ZNF334: variants seen among roughly 807,000 people sequenced by gnomAD.
The protein encoded by ZNF334 is zinc finger protein 334.
ZNF334 carries 14 observed loss-of-function variants against 12.4 expected under a neutral mutation model. The observed-to-expected ratio is 1.13, with a 90% CI of 0.74 to 1.76. ZNF334 has a LOEUF of 1.76. Among genes scored for constraint, ZNF334 ranks in the 40% most tolerant of loss-of-function variants. ZNF334 has a pLI of 0.00. For missense variants in ZNF334, 797 were observed against 804.5 expected (o/e 0.99, Z 0.11); for synonymous variants, 273 against 269.6 (o/e 1.01, Z -0.12).
At chr20:46,509,649 G>A (rs1392582549) in intron 2 of ZNF334, 1 of 703,004 alleles carries the variant, frequency 1.4e-6, no homozygotes, top group Non-Finnish European at 2.6e-6. Context: ...TTCACCCACG[G>A]TGAGTTAACT....
Position 46,500,957 on chromosome 20 carries a change from G to C in ZNF334, c.*339C>G, listed in dbSNP as rs768286307. The C allele has an allele frequency of 4.4e-5, 10 of 227,240 alleles. No individual in the cohort carries two copies. Among genetic ancestry groups the C allele is most frequent in the Middle Eastern group, 1.8e-3 (1 of 558 alleles). 14.1% of individuals were successfully genotyped at this position (227,240 alleles called of 1,614,324 possible). ...AATGAAGGTCAGATCCTCACACCTC[G>C]TAACATACACTATCAAGTAACACTG... On this transcript the variant is annotated 3_prime_UTR_variant, in exon 5 of 5. Transcript: ENST00000692313.
intron 2 of ZNF334, among the ~76,000 whole-genome samples, chr20:46,510,781 G>A (rs2061620781): frequency 6.7e-6 from 1 of 149,854 alleles, no homozygotes; most frequent in Non-Finnish European, 1.5e-5. Flanking sequence ...AAAAAAGATG[G>A]CCTTCATTTT....
downstream of ZNF334, among the ~76,000 whole-genome samples, chr20:46,498,471 G>T (rs2061060987): frequency 1.3e-5 from 2 of 152,120 alleles, no homozygotes; most frequent in African/African-American, 4.8e-5. Flanking sequence ...GGTAGAAGTG[G>T]ATCTTTCAGC....
At position 46,502,308 on chromosome 20, in the gene ZNF334, G is replaced by A. The variant is rs1241939442; in HGVS notation, c.1031C>T (p.Thr344Ile). 1 of 1,614,072 alleles carries A rather than the reference G, an allele frequency of 6.2e-7. No homozygotes were observed. The highest frequency in any genetic ancestry group is 1.7e-5 in the Admixed American group (1 of 60,026). ...CTTGCATTCGTAAGGCTTCTCCCCT[G>A]TGTGTGACCTGAAATGTTCAGCCAG... Reference protein sequence around the residue: ...SALAEHFRSHTGEKPYECKEC... With the variant: ...SALAEHFRSHIGEKPYECKEC... The change falls in exon 5 of 5, where the codon ACA becomes ATA. Residue 344 changes from threonine to isoleucine, a missense_variant. Transcript: ENST00000692313.
the ZNF334 span, chr20:46,477,031 G>A: frequency 6.6e-6 from 1 of 152,222 alleles, no homozygotes; most frequent in Admixed American, 6.5e-5. Context: ...TACAGTGGAT[G>A]CGTGATAGGA....
chr20:46,488,444 A>ATATATATATAT, the ZNF334 span, among the ~76,000 whole-genome samples: 6 of 84,194 alleles, frequency 7.1e-5, no homozygotes, highest in African/African-American at 4.1e-4. Context: ...TATATATATA[A>ATATATATATAT]ATACCATAAT....
At chr20:46,503,570 G>A (rs1328802600) in intron 4 of ZNF334, among the ~76,000 whole-genome samples, 2 of 152,164 alleles carry the variant, frequency 1.3e-5, no homozygotes, top group African/African-American at 4.8e-5. Flanking sequence ...AAACACACAA[G>A]AAGGAAGAGG....
the ZNF334 span, among the ~76,000 whole-genome samples, chr20:46,466,870 G>A: frequency 6.6e-6 from 1 of 152,174 alleles, no homozygotes; most frequent in African/African-American, 2.4e-5. Context: ...ATGGGTATCA[G>A]TTTGGGAAAA....
chr20:46,504,331 T>C, intron 3 of ZNF334, 25 bp from the exon 4 acceptor site: 3 of 1,595,160 alleles, frequency 1.9e-6, no homozygotes, highest in Non-Finnish European at 1.7e-6. Context: ...TTACAGAACT[T>C]GGACCAAGAT....
chr20:46,509,831 G>C, intron 2 of ZNF334: 1 of 610,014 alleles, frequency 1.6e-6, no homozygotes, highest in Non-Finnish European at 2.9e-6. Context: ...TGGAAGGTTT[G>C]CATCCCAATA....
intron 2 of ZNF334, among the ~76,000 whole-genome samples, chr20:46,510,414 T>C (rs993692026): frequency 4.0e-5 from 6 of 151,462 alleles, no homozygotes; most frequent in African/African-American, 1.2e-4. Flanking sequence ...TGGTAGGACG[T>C]GAGGAAAAGG....
the ZNF334 span, among the ~76,000 whole-genome samples, chr20:46,477,720 T>C: frequency 1.3e-5 from 2 of 152,186 alleles, no homozygotes; most frequent in Non-Finnish European, 2.9e-5. Context: ...GTGGGCAAAA[T>C]TGCTTATTTT....
chr20:46,486,988 G>A, the ZNF334 span, among the ~76,000 whole-genome samples: 1 of 151,102 alleles, frequency 6.6e-6, no homozygotes, highest in African/African-American at 2.4e-5. Flanking sequence ...TCTTTTCTTT[G>A]TGGAATTGAA....
the ZNF334 span, among the ~76,000 whole-genome samples, chr20:46,470,095 C>T: frequency 1.5e-3 from 229 of 152,262 alleles, 2 homozygotes; most frequent in East Asian, 0.027. Flanking sequence ...AAAATAGGTG[C>T]TCCATAAAAG....
downstream of ZNF334, among the ~76,000 whole-genome samples, chr20:46,498,982 G>A (rs990922446): frequency 1.2e-4 from 18 of 151,602 alleles, no homozygotes; most frequent in African/African-American, 2.7e-4. Flanking sequence ...AGACCATCCC[G>A]GCTAAAACGG....
chr20:46,464,108 ATC>A, the ZNF334 span: 2 of 592,474 alleles, frequency 3.4e-6, no homozygotes, highest in African/African-American at 3.7e-5. Flanking sequence ...TGGGCCCAGT[ATC>A]TGTTTGCCTG....
the ZNF334 span, among the ~76,000 whole-genome samples, chr20:46,472,685 G>A: frequency 6.6e-6 from 1 of 152,154 alleles, no homozygotes; most frequent in African/African-American, 2.4e-5. Context: ...GGTCAGGTAG[G>A]TAGGGTCTCA....
At chr20:46,509,191 C>T (rs986040187) in intron 2 of ZNF334, among the ~76,000 whole-genome samples, 5 of 151,970 alleles carry the variant, frequency 3.3e-5, no homozygotes, top group South Asian at 4.1e-4. Context: ...TTTATTTTTC[C>T]TCTATATTCG....
At chr20:46,505,541 A>G (rs891015383) in intron 2 of ZNF334, 2 of 153,806 alleles carry the variant, frequency 1.3e-5, no homozygotes, top group Non-Finnish European at 2.9e-5. Flanking sequence ...TGTTATAAAT[A>G]ATGGAAATCC....
Sources: gnomAD v4.1 joint callset for allele counts (sites outside exome capture counted in the v4.1 genomes callset) on GRCh38, gnomAD v4.1.1 for gene constraint, MANE v1.5 for transcripts, NCBI Gene and HGNC (gene_info 2026-07-23, HGNC 2026-07-21) for gene names.